TFDP2: variants seen among roughly 807,000 people sequenced by gnomAD.
The protein encoded by TFDP2 is transcription factor Dp-2.
TFDP2 carries 17 observed loss-of-function variants against 59.3 expected under a neutral mutation model. That is an observed-to-expected ratio of 0.29 (90% confidence interval 0.20 to 0.43). The LOEUF is 0.43. Ranked by LOEUF, TFDP2 falls within the 20% of genes least tolerant of loss-of-function variation. TFDP2 has a pLI of 1.00. For synonymous variants in TFDP2, 180 were observed against 194.7 expected (o/e 0.92, Z 0.63); for missense variants, 391 against 528.8 (o/e 0.74, Z 2.56).
At chr3:141,973,096 T>C (rs888605256) in intron 8 of TFDP2, among the ~76,000 whole-genome samples, 16 of 61,102 alleles carry the variant, frequency 2.6e-4, no homozygotes, top group African/African-American at 8.7e-4. Context: ...GCTATGTGTA[T>C]ATATATATAT....
chr3:142,111,479 T>G (rs567312079), intron 1 of TFDP2, among the ~76,000 whole-genome samples: 2 of 149,220 alleles, frequency 1.3e-5, no homozygotes, highest in South Asian at 4.2e-4. Flanking sequence ...ATAGAGGACT[T>G]GAACTCTGGT....
chr3:142,128,310 A>G (rs756731849), intron 1 of TFDP2, among the ~76,000 whole-genome samples: 4 of 152,210 alleles, frequency 2.6e-5, no homozygotes, highest in Admixed American at 6.5e-5. Flanking sequence ...GTATTATATC[A>G]TCTCACAAAA....
intron 3 of TFDP2, among the ~76,000 whole-genome samples, chr3:142,071,592 A>C (rs879580001): frequency 6.6e-6 from 1 of 152,234 alleles, no homozygotes; most frequent in Non-Finnish European, 1.5e-5. Context: ...ACAGAGAATG[A>C]AACAGAAAAT....
At chr3:142,085,180 G>C (rs1193043095) in intron 3 of TFDP2, among the ~76,000 whole-genome samples, 2 of 152,192 alleles carry the variant, frequency 1.3e-5, no homozygotes, top group Admixed American at 6.5e-5. Flanking sequence ...CTCCCAAAGT[G>C]CTGGGGTTAC....
At chr3:142,138,599 T>G (rs925952676) in intron 1 of TFDP2, among the ~76,000 whole-genome samples, 2 of 152,230 alleles carry the variant, frequency 1.3e-5, no homozygotes, top group Non-Finnish European at 2.9e-5. Flanking sequence ...AAAGAACATC[T>G]TTATTTCTGC....
chr3:142,139,259 C>G (rs2062848507), intron 1 of TFDP2, among the ~76,000 whole-genome samples: 1 of 152,100 alleles, frequency 6.6e-6, no homozygotes, highest in Non-Finnish European at 1.5e-5. Context: ...CCATGTGTGT[C>G]TCTGCATGTG....
intron 3 of TFDP2, among the ~76,000 whole-genome samples, chr3:142,092,580 A>T (rs565013685): frequency 6.6e-6 from 1 of 152,256 alleles, no homozygotes; most frequent in East Asian, 1.9e-4. Flanking sequence ...CGGCCTCCCA[A>T]AGTGCTGGGA....
intron 3 of TFDP2, among the ~76,000 whole-genome samples, chr3:142,026,574 T>C (rs1024870542): frequency 2.6e-5 from 4 of 152,218 alleles, no homozygotes; most frequent in Non-Finnish European, 5.9e-5. Context: ...AAATATTGAA[T>C]AAGTGCCTCA....
intron 1 of TFDP2, among the ~76,000 whole-genome samples, chr3:142,109,389 T>C (rs1319602857): frequency 6.7e-6 from 1 of 150,026 alleles, no homozygotes; most frequent in Non-Finnish European, 1.5e-5. Context: ...AGGGCAACGG[T>C]GCGATCTCGG....
chr3:142,028,397 T>TCC (rs11569172), intron 3 of TFDP2, among the ~76,000 whole-genome samples: 102 of 106,502 alleles, frequency 9.6e-4, no homozygotes, highest in African/African-American at 2.9e-3. Flanking sequence ...ATTCTTCCCC[T>TCC]CCCCCCCCAC....
intron 1 of TFDP2, among the ~76,000 whole-genome samples, chr3:142,114,794 T>C (rs1003262280): frequency 5.9e-5 from 9 of 152,132 alleles, no homozygotes; most frequent in Non-Finnish European, 1.3e-4. Context: ...AATCTTACTA[T>C]TGAAAGATAA....
rs539543281 is a variant in TFDP2, at chr3:142,123,193, G to A, written c.-92-21352C>T. Among the ~76,000 whole-genome samples the A allele has an allele frequency of 4.6e-5, 7 of 152,250 alleles. No homozygotes were observed. In the East Asian group the frequency reaches 9.7e-4, roughly 21 times the overall value. ...ACCGACGCCCAGGCTGGAGTACAGC[G>A]GCATGATCTCAGCTCACTGCAACCT... is the stretch of plus-strand genomic sequence containing the variant. On this transcript the variant is annotated intron_variant, in intron 1 of 12. Transcript: ENST00000489671.
chr3:142,120,897 G>A (rs1462307715), intron 1 of TFDP2, among the ~76,000 whole-genome samples: 1 of 152,054 alleles, frequency 6.6e-6, no homozygotes. Flanking sequence ...AAGCTGCAAC[G>A]ACTGCTTTAC....
chr3:142,099,674 C>A (rs1335212141), intron 2 of TFDP2, among the ~76,000 whole-genome samples: 1 of 149,818 alleles, frequency 6.7e-6, no homozygotes, highest in East Asian at 2.0e-4. Flanking sequence ...TATTCCAGCC[C>A]GGGCAACAGA....
intron 3 of TFDP2, among the ~76,000 whole-genome samples, chr3:142,025,384 T>C (rs1945991637): frequency 6.6e-6 from 1 of 152,242 alleles, no homozygotes; most frequent in Non-Finnish European, 1.5e-5. Flanking sequence ...ATTCAACTGA[T>C]TTTGGTCTTC....
At position 141,975,851 on chromosome 3, in the gene TFDP2, G is replaced by T. The variant is rs11569230; in HGVS notation, c.520-1660C>A. 5.7e-3 allele frequency among the ~76,000 whole-genome samples: 871 copies of T among 152,074 alleles called. 19 individuals are homozygous for T. The highest frequency in any genetic ancestry group is 0.029 in the East Asian group (149 of 5,170). ...AAAGCAGATTAAATAATAATAAAGG[G>T]TTCAGCACAATCTATTTATTTAAAG... On this transcript the variant is annotated intron_variant, in intron 7 of 12. Transcript: ENST00000489671.
intron 1 of TFDP2, among the ~76,000 whole-genome samples, chr3:142,131,382 C>T (rs1000111515): frequency 1.3e-5 from 2 of 149,990 alleles, no homozygotes; most frequent in African/African-American, 2.5e-5. Context: ...TTAATACACA[C>T]CTCTCAGTAA....
At chr3:142,110,954 G>A (rs2061636224) in intron 1 of TFDP2, among the ~76,000 whole-genome samples, 1 of 148,676 alleles carries the variant, frequency 6.7e-6, no homozygotes. Context: ...CTCTGCCTTG[G>A]AAAAAAAAAA....
intron 3 of TFDP2, among the ~76,000 whole-genome samples, chr3:142,088,476 A>AGG (rs2108605217): frequency 6.6e-6 from 1 of 151,852 alleles, no homozygotes; most frequent in East Asian, 1.9e-4. Context: ...GATTACAGGC[A>AGG]TGCGCCACCA....
Sources: gnomAD v4.1 joint callset for allele counts (sites outside exome capture counted in the v4.1 genomes callset) on GRCh38, gnomAD v4.1.1 for gene constraint, MANE v1.5 for transcripts, NCBI Gene and HGNC (gene_info 2026-07-23, HGNC 2026-07-21) for gene names.